TNFRSF11B: variants seen among roughly 807,000 people sequenced by gnomAD.
The protein encoded by TNFRSF11B is TNF receptor superfamily member 11b.
TNFRSF11B carries 16 observed loss-of-function variants against 43.4 expected under a neutral mutation model. The observed-to-expected ratio is 0.37, with a 90% CI of 0.25 to 0.56. The LOEUF is 0.56. Ranked by LOEUF, TNFRSF11B falls within the 20% of genes least tolerant of loss-of-function variation. TNFRSF11B has a pLI of 0.80. For missense variants in TNFRSF11B, 444 were observed against 490.1 expected, an observed-to-expected ratio of 0.91 and a Z score of 0.89; for synonymous variants, 185 against 181.8, an observed-to-expected ratio of 1.02 and a Z score of -0.14.
At chr8:118,949,886 G>A (rs964187335) in intron 1 of TNFRSF11B, among the ~76,000 whole-genome samples, 4 of 152,148 alleles carry the variant, frequency 2.6e-5, no homozygotes, top group African/African-American at 9.7e-5. Context: ...GACTCTATGT[G>A]TAAATACAAA....
In TNFRSF11B at chr8:118,928,986, G is replaced by A. The variant is rs995718944; in HGVS notation, c.401-57C>T. On this transcript the variant is annotated intron_variant, in intron 2 of 4. Transcript: ENST00000297350. ...CTCCTCAAATCGTTTCCCAGCAGAT[G>A]CCCTCTTAACACAGTTTTGGAAAGA... 7 of 1,525,458 alleles carry A rather than the reference G, an allele frequency of 4.6e-6. 1 individual carries two copies. In the Admixed American group the frequency reaches 1.0e-4, roughly 22 times the overall value. The allele number at this position is 1,525,458 out of a possible 1,614,324, so 94.5% of individuals were successfully genotyped here. A position where few individuals can be genotyped will look rare whatever the true frequency, so the allele number is the denominator to read the frequency against.
rs1283764957 is a variant in TNFRSF11B, at chr8:118,926,604, C to T, written c.707G>A (p.Ser236Asn). Residue 236 changes from serine (S) to asparagine (N), a missense_variant, in exon 4 of 5, where the codon AGT becomes AAT. Physicochemically the swap from Ser to Asn is conservative, Grantham distance 46 (BLOSUM62 1). Transcript: ENST00000297350. Reference protein sequence around the residue: ...NLPGTKVNAESVERIKRQHSS... With the variant: ...NLPGTKVNAENVERIKRQHSS... Reference sequence around the variant, plus strand: ...GTGTTGCCGTTTTATCCTCTCTACACTCTCTGCGTTTACTTTGGTGCCAGG... The same window carrying T: ...GTGTTGCCGTTTTATCCTCTCTACATTCTCTGCGTTTACTTTGGTGCCAGG... The T allele has an allele frequency of 1.2e-6, 2 of 1,614,108 alleles. No homozygotes were observed. Among genetic ancestry groups the T allele is most frequent in the Non-Finnish European group, 1.7e-6 (2 of 1,179,986 alleles).
At chr8:118,951,037 T>A (rs756871420) in intron 1 of TNFRSF11B, among the ~76,000 whole-genome samples, 1 of 152,168 alleles carries the variant, frequency 6.6e-6, no homozygotes, top group Non-Finnish European at 1.5e-5. Context: ...ATTAACTTGA[T>A]CAAAACCTAA....
intron 1 of TNFRSF11B, among the ~76,000 whole-genome samples, chr8:118,948,417 G>T (rs1247120643): frequency 6.6e-6 from 1 of 152,126 alleles, no homozygotes; most frequent in East Asian, 1.9e-4. Context: ...GCAGTGGGGG[G>T]CTGACGGTTG....
intron 1 of TNFRSF11B, among the ~76,000 whole-genome samples, chr8:118,945,342 T>G (rs1812541795): frequency 6.6e-6 from 1 of 152,120 alleles, no homozygotes; most frequent in Non-Finnish European, 1.5e-5. Context: ...ATATGACCTA[T>G]TCTAACCTCT....
chr8:118,938,572 C>T (rs1051038923), intron 1 of TNFRSF11B, among the ~76,000 whole-genome samples: 9 of 152,164 alleles, frequency 5.9e-5, no homozygotes, highest in African/African-American at 1.2e-4. Context: ...ATTCCCTTCA[C>T]GCATTGTCCA....
At chr8:118,931,996 C>T (rs1269655575) in intron 2 of TNFRSF11B, among the ~76,000 whole-genome samples, 3 of 152,018 alleles carry the variant, frequency 2.0e-5, no homozygotes, top group East Asian at 1.9e-4. Context: ...TTCTACAATG[C>T]GCAGGACAGC....
intron 1 of TNFRSF11B, among the ~76,000 whole-genome samples, chr8:118,933,510 T>C (rs1812357458): frequency 6.6e-6 from 1 of 152,144 alleles, no homozygotes; most frequent in Admixed American, 6.5e-5. Context: ...TTAACTAAAA[T>C]CCAGGCTCAA....
intron 1 of TNFRSF11B, among the ~76,000 whole-genome samples, chr8:118,934,725 A>G (rs1812378310): frequency 6.6e-6 from 1 of 152,110 alleles, no homozygotes; most frequent in African/African-American, 2.4e-5. Context: ...AACACTGACT[A>G]TTTTCAGGCC....
At chr8:118,949,510 C>T (rs556859379) in intron 1 of TNFRSF11B, among the ~76,000 whole-genome samples, 118 of 152,168 alleles carry the variant, frequency 7.8e-4, no homozygotes, top group Non-Finnish European at 1.2e-3. Flanking sequence ...GAAGACAAAA[C>T]TAAAACTCAA....
intron 1 of TNFRSF11B, among the ~76,000 whole-genome samples, chr8:118,947,470 A>T (rs1812581426): frequency 6.6e-6 from 1 of 152,118 alleles, no homozygotes; most frequent in South Asian, 2.1e-4. Flanking sequence ...CCCTTAGGAG[A>T]AGTTCTAGGA....
chr8:118,926,699 C>T lies in TNFRSF11B; in HGVS notation c.612G>A (p.Glu204=). ...TAGGAACAGCAAACCTGAAGAATGC[C>T]TCCTCACACAGGGTAACATCTAAAG... ...KCGIDVTLCE[E]AFFRFAVPTK... is the part of the protein sequence containing the mutation. The change falls in exon 4 of 5, where the codon GAG becomes GAA. Residue 204 remains glutamate (E), a synonymous_variant. Transcript: ENST00000297350. 3 of 1,613,834 alleles carry T rather than the reference C, an allele frequency of 1.9e-6. No individual in the cohort carries two copies. The highest frequency in any genetic ancestry group is 2.5e-6 in the Non-Finnish European group (3 of 1,179,874).
intron 1 of TNFRSF11B, among the ~76,000 whole-genome samples, chr8:118,949,195 C>T (rs1486382140): frequency 2.0e-5 from 3 of 152,110 alleles, no homozygotes; most frequent in African/African-American, 7.2e-5. Context: ...ACCCTTTGCA[C>T]TCACAAAAAG....
At chr8:118,934,583 A>G (rs1319929532) in intron 1 of TNFRSF11B, among the ~76,000 whole-genome samples, 1 of 152,112 alleles carries the variant, frequency 6.6e-6, no homozygotes, top group African/African-American at 2.4e-5. Flanking sequence ...TCTGTCTTGT[A>G]TTTTAGATCC....
At chr8:118,931,997 G>A (rs1431695666) in intron 2 of TNFRSF11B, among the ~76,000 whole-genome samples, 3 of 152,086 alleles carry the variant, frequency 2.0e-5, no homozygotes, top group South Asian at 2.1e-4. Context: ...TCTACAATGC[G>A]CAGGACAGCT....
chr8:118,926,870 T>G lies in TNFRSF11B; in HGVS notation c.593-152A>C, dbSNP rs901358389. Reference sequence around the variant, plus strand: ...AAGTTTGAATAAAATCAAGCTTCTGTTGGCTGGTCTTAGTGGCAGAGACCA... The same window carrying G: ...AAGTTTGAATAAAATCAAGCTTCTGGTGGCTGGTCTTAGTGGCAGAGACCA... On this transcript the variant is annotated intron_variant, in intron 3 of 4. Transcript: ENST00000297350. 4.5e-5 allele frequency: 38 copies of G among 839,522 alleles called. 1 individual carries two copies. The highest frequency in any genetic ancestry group is 2.4e-4 in the South Asian group (16 of 65,872). 52.0% of individuals were successfully genotyped at this position (839,522 alleles called of 1,614,324 possible). A position where few individuals can be genotyped will look rare whatever the true frequency, so the allele number is the denominator to read the frequency against.
chr8:118,931,420 A>G (rs1812326728), intron 2 of TNFRSF11B, among the ~76,000 whole-genome samples: 1 of 152,134 alleles, frequency 6.6e-6, no homozygotes, highest in African/African-American at 2.4e-5. Context: ...GATCCTTGTG[A>G]TTTCCATTAT....
intron 1 of TNFRSF11B, among the ~76,000 whole-genome samples, chr8:118,940,967 T>G (rs1223925547): frequency 6.6e-6 from 1 of 152,168 alleles, no homozygotes; most frequent in African/African-American, 2.4e-5. Flanking sequence ...TTTCAAATCA[T>G]TAGACATATT....
chr8:118,938,253 T>C (rs2129907118), intron 1 of TNFRSF11B, among the ~76,000 whole-genome samples: 1 of 152,288 alleles, frequency 6.6e-6, no homozygotes, highest in Admixed American at 6.5e-5. Flanking sequence ...AGTGCTGGGA[T>C]TACAGGTGTG....
Sources: allele counts gnomAD v4.1 joint callset (sites outside exome capture counted in the v4.1 genomes callset), GRCh38; gene constraint gnomAD v4.1.1; transcripts MANE v1.5; gene names NCBI Gene and HGNC (gene_info 2026-07-23, HGNC 2026-07-21).